The following MICAL3 variants were observed in gnomAD, a reference collection of about 807,000 sequenced individuals.
The protein encoded by MICAL3 is [F-actin]-monooxygenase MICAL3.
A neutral mutation model predicts 207.4 loss-of-function variants in MICAL3; 62 were observed. That is an observed-to-expected ratio of 0.30 (90% CI 0.24 to 0.37). The LOEUF is 0.37. Among genes scored for constraint, MICAL3 ranks in the 10% least tolerant of loss-of-function variants. The probability of loss-of-function intolerance (pLI) is 1.00; values close to 1 mark genes in which losing one functional copy is unlikely to be tolerated. For synonymous variants in MICAL3, 1,077 were observed against 1,069.3 expected (o/e 1.01, Z -0.14); for missense variants, 2,368 against 2,635.6 (o/e 0.90, Z 2.22).
At chr22:17,996,799 A>T (rs1922333250) in intron 1 of MICAL3, among the ~76,000 whole-genome samples, 1 of 152,160 alleles carries the variant, frequency 6.6e-6, no homozygotes, top group Non-Finnish European at 1.5e-5. Flanking sequence ...ATTGAAGTAC[A>T]CCGGAAGCTA....
chr22:17,799,785 T>C lies in MICAL3; in HGVS notation c.5651-8484A>G, dbSNP rs78323792. ...CGGCAGGCCCAGTCTAGCATACACA[T>C]AGTGGGGCTGGGAGACACCTGGTGC... is the stretch of plus-strand genomic sequence containing the variant. On this transcript the variant is annotated intron_variant, in intron 29 of 31. Coordinates refer to ENST00000441493, the MANE Select transcript of MICAL3 (RefSeq NM_015241.3). Among the ~76,000 whole-genome samples the C allele has an allele frequency of 2.4e-3, 368 of 152,114 alleles. 4 individuals are homozygous for C. Among genetic ancestry groups the C allele is most frequent in the African/African-American group, 8.2e-3 (341 of 41,474 alleles).
chr22:17,904,810 A>C lies in MICAL3; in HGVS notation c.294T>G (p.Gly98=), dbSNP rs1347951832. The C allele has an allele frequency of 6.2e-7, 1 of 1,613,978 alleles. No homozygotes were observed. Among genetic ancestry groups the C allele is most frequent in the Non-Finnish European group, 8.5e-7 (1 of 1,179,856 alleles). The change falls in exon 3 of 32, where the codon GGT becomes GGG. Residue 98 remains glycine (G), a synonymous_variant. Transcript: ENST00000441493. ...KCLIIGAGPC[G]LRTAIDLSLL... The stretch of plus-strand genomic sequence containing the variant: ...AGGATAAGTCGATGGCTGTACGGAG[A>C]CCACAGGGGCCAGCCCCAATGATGA...
Position 17,887,353 on chromosome 22 carries a change from G to A in MICAL3, c.1974C>T (p.Gly658=). The A allele has an allele frequency of 1.9e-6, 3 of 1,613,902 alleles. No homozygotes were observed. ...RSPISFLSKL[G]QTISRKRSPK... ...GAGAACGCTTCCGAGAGATGGTCTGGCCAAGTTTGCTTAGGAAGGAGATAG... is the reference window on the plus strand; with the variant it reads ...GAGAACGCTTCCGAGAGATGGTCTGACCAAGTTTGCTTAGGAAGGAGATAG... The change falls in exon 14 of 32, where the codon GGC becomes GGT. Residue 658 remains glycine (G), a synonymous_variant. Coordinates refer to ENST00000441493, the MANE Select transcript of MICAL3 (RefSeq NM_015241.3).
In MICAL3 at chr22:17,971,880, T is replaced by A. The variant is rs547517014; in HGVS notation, c.-75+52401A>T. 1.2e-3 allele frequency among the ~76,000 whole-genome samples: 184 copies of A among 152,258 alleles called. 1 individual carries two copies. Among genetic ancestry groups the A allele is most frequent in the Non-Finnish European group, 1.9e-3 (129 of 68,008 alleles). On this transcript the variant is annotated intron_variant, in intron 1 of 31. Coordinates refer to ENST00000441493, the MANE Select transcript of MICAL3 (RefSeq NM_015241.3). Reference sequence around the variant, plus strand: ...GCTCCAGGGGCAGAAGCAGCACACGTGCACCGGCACAGGCGACAATGCACA... The same window carrying A: ...GCTCCAGGGGCAGAAGCAGCACACGAGCACCGGCACAGGCGACAATGCACA...
chr22:17,821,184 C>A (rs1569080172), intron 25 of MICAL3, among the ~76,000 whole-genome samples: 1 of 151,938 alleles, frequency 6.6e-6, no homozygotes, highest in Admixed American at 6.6e-5. Context: ...TAGGTGCCAC[C>A]CAGACGGCCT....
intron 1 of MICAL3, among the ~76,000 whole-genome samples, chr22:17,980,502 C>G (rs1211736990): frequency 6.6e-6 from 1 of 152,236 alleles, no homozygotes; most frequent in African/African-American, 2.4e-5. Context: ...CAACTTTCAG[C>G]TCCTGGAAAA....
chr22:17,819,202 TCTCA>T (rs1446344419), intron 25 of MICAL3, 73 bp from the exon 26 acceptor site: 19 of 1,395,920 alleles, frequency 1.4e-5, no homozygotes, highest in Admixed American at 5.7e-5. Flanking sequence ...CGGGGAGCCT[TCTCA>T]CTCAAAGTGC....
intron 16 of MICAL3, among the ~76,000 whole-genome samples, chr22:17,872,346 G>A (rs752507130): frequency 1.3e-5 from 2 of 152,164 alleles, no homozygotes; most frequent in East Asian, 1.9e-4. Flanking sequence ...TGGCGACGCC[G>A]GGAAATATCG....
At chr22:18,008,042 A>T (rs1179245789) in intron 1 of MICAL3, among the ~76,000 whole-genome samples, 1 of 151,444 alleles carries the variant, frequency 6.6e-6, no homozygotes, top group African/African-American at 2.4e-5. Flanking sequence ...GGAGTTCGAG[A>T]CCAGCCTGGC....
intron 1 of MICAL3, among the ~76,000 whole-genome samples, chr22:17,965,727 T>C (rs1602307495): frequency 6.6e-6 from 1 of 152,260 alleles, no homozygotes; most frequent in Non-Finnish European, 1.5e-5. Context: ...TCTCTACTGA[T>C]ATCTGCTATC....
At chr22:17,802,153 C>T (rs1386102093) in intron 29 of MICAL3, among the ~76,000 whole-genome samples, 1 of 151,824 alleles carries the variant, frequency 6.6e-6, no homozygotes, top group Non-Finnish European at 1.5e-5. Context: ...GCCTCAAACT[C>T]CTGGGCTCAT....
chr22:17,994,871 T>C (rs1000838449), intron 1 of MICAL3, among the ~76,000 whole-genome samples: 2 of 152,008 alleles, frequency 1.3e-5, no homozygotes, highest in Non-Finnish European at 2.9e-5. Context: ...CCTGCCAGAG[T>C]TAACCAGACC....
chr22:17,834,867 T>TA (rs1317945959), intron 20 of MICAL3, among the ~76,000 whole-genome samples: 1 of 152,224 alleles, frequency 6.6e-6, no homozygotes, highest in Non-Finnish European at 1.5e-5. Flanking sequence ...TGTTTGAACA[T>TA]AAAATAAGGC....
intron 1 of MICAL3, among the ~76,000 whole-genome samples, chr22:18,015,335 G>A (rs529887447): frequency 9.2e-5 from 14 of 151,500 alleles, no homozygotes; most frequent in Non-Finnish European, 1.5e-4. Context: ...TTCCAATCTC[G>A]AAGGTTTTAT....
rs150426321 is a variant in MICAL3 at position 17,858,391 on chromosome 22, G to A, written c.2605+6508C>T. 2.3e-4 allele frequency: 191 copies of A among 828,034 alleles called. 2 individuals carry two copies. The African/African-American group carries it at 3.4e-3, about 15-fold the overall frequency. 51.3% of individuals were successfully genotyped at this position (828,034 alleles called of 1,614,324 possible). The stretch of plus-strand genomic sequence containing the variant: ...ACTTGTGAGGCGCTTGGCTGGGTGA[G>A]CTGCAAGGTAAGGGCTGGTTTTTGA... On this transcript the variant is annotated intron_variant, in intron 19 of 31. Coordinates refer to ENST00000441493, the MANE Select transcript of MICAL3 (RefSeq NM_015241.3).
At chr22:17,932,524 T>C (rs186659634) in intron 1 of MICAL3, among the ~76,000 whole-genome samples, 59 of 152,290 alleles carry the variant, frequency 3.9e-4, no homozygotes, top group Middle Eastern at 3.4e-3. Flanking sequence ...TGCAAAAACA[T>C]GCCAAATTGT....
chr22:17,932,297 G>A (rs1014506270), intron 1 of MICAL3, among the ~76,000 whole-genome samples: 15 of 152,216 alleles, frequency 9.9e-5, no homozygotes, highest in African/African-American at 3.4e-4. Context: ...AACCCTACAA[G>A]CCAGAAGAGA....
intron 1 of MICAL3, among the ~76,000 whole-genome samples, chr22:17,998,778 C>T (rs1021594732): frequency 6.6e-6 from 1 of 152,086 alleles, no homozygotes; most frequent in Non-Finnish European, 1.5e-5. Flanking sequence ...TGGTCTTGAA[C>T]TCCTGACCTC....
chr22:17,866,648 TAGA>T (rs1462996980), intron 17 of MICAL3, among the ~76,000 whole-genome samples: 3 of 150,190 alleles, frequency 2.0e-5, no homozygotes, highest in African/African-American at 7.5e-5. Context: ...TAGAATAGAA[TAGA>T]ATAGAATAGA....
Sources: allele counts gnomAD v4.1 joint callset (sites outside exome capture counted in the v4.1 genomes callset), GRCh38; gene constraint gnomAD v4.1.1; transcripts MANE v1.5; gene names NCBI Gene and HGNC (gene_info 2026-07-23, HGNC 2026-07-21).